Variants in APBA1 observed in about 807,000 individuals in gnomAD.
APBA1 encodes amyloid-beta A4 precursor protein-binding family A member 1.
Under a neutral mutation model 86.6 loss-of-function variants are expected in APBA1, and 55 were observed. The ratio of observed to expected loss-of-function variants is 0.64; its 90% CI spans 0.51 to 0.80. The LOEUF (loss-of-function observed/expected upper bound fraction) is 0.80, where lower values mean the gene tolerates loss of function less well. Ranked by LOEUF, APBA1 falls within the 30% of genes least tolerant of loss-of-function variation. APBA1 has a pLI of 0.00. For synonymous variants in APBA1, 511 were observed against 493.9 expected (o/e 1.03, Z -0.46); for missense variants, 1,090 against 1,183.0 (o/e 0.92, Z 1.15).
chr9:69,551,727 C>T (rs1836788473), intron 1 of APBA1, among the ~76,000 whole-genome samples: 1 of 152,124 alleles, frequency 6.6e-6, no homozygotes, highest in Non-Finnish European at 1.5e-5. Context: ...TACTCTGTAT[C>T]ATGGAGTTTG....
At chr9:69,647,734 A>G (rs911019887) in intron 1 of APBA1, among the ~76,000 whole-genome samples, 1 of 152,262 alleles carries the variant, frequency 6.6e-6, no homozygotes, top group Non-Finnish European at 1.5e-5. Context: ...AAATATAAAG[A>G]CATGAGCACA....
intron 1 of APBA1, among the ~76,000 whole-genome samples, chr9:69,620,655 C>T (rs760357040): frequency 1.2e-4 from 19 of 152,138 alleles, no homozygotes; most frequent in African/African-American, 4.1e-4. Context: ...CCAGCCTGGG[C>T]GACAGAGCGA....
intron 2 of APBA1, among the ~76,000 whole-genome samples, chr9:69,510,615 G>T (rs370052815): frequency 4.3e-5 from 6 of 140,000 alleles, no homozygotes; most frequent in Non-Finnish European, 6.0e-5. Context: ...CATCGCCAAG[G>T]CAATCCTAAG....
chr9:69,653,432 G>A (rs2134018000), intron 1 of APBA1, among the ~76,000 whole-genome samples: 1 of 152,264 alleles, frequency 6.6e-6, no homozygotes, highest in South Asian at 2.1e-4. Context: ...AGAAACATCA[G>A]AGTTAAGCTG....
At chr9:69,664,782 A>G (rs1395987476) in intron 1 of APBA1, among the ~76,000 whole-genome samples, 1 of 152,230 alleles carries the variant, frequency 6.6e-6, no homozygotes, top group African/African-American at 2.4e-5. Flanking sequence ...TATCTTACAC[A>G]TGAGCATATA....
intron 1 of APBA1, among the ~76,000 whole-genome samples, chr9:69,525,912 A>G (rs1350585490): frequency 6.6e-6 from 1 of 152,174 alleles, no homozygotes; most frequent in African/African-American, 2.4e-5. Flanking sequence ...AAAGAAAGCT[A>G]CACACCTACA....
chr9:69,636,585 C>T (rs967238694), intron 1 of APBA1, among the ~76,000 whole-genome samples: 2 of 151,710 alleles, frequency 1.3e-5, no homozygotes, highest in Non-Finnish European at 2.9e-5. Flanking sequence ...CACTGGAGCC[C>T]AGGAATTTGA....
intron 1 of APBA1, among the ~76,000 whole-genome samples, chr9:69,665,885 G>A (rs369461952): frequency 3.9e-5 from 6 of 152,078 alleles, no homozygotes; most frequent in Non-Finnish European, 5.9e-5. Context: ...ACAAGCATGC[G>A]CCACCATGCC....
At chr9:69,643,666 ATTCTCAG>A (rs1823335798) in intron 1 of APBA1, among the ~76,000 whole-genome samples, 1 of 152,298 alleles carries the variant, frequency 6.6e-6, no homozygotes, top group African/African-American at 2.4e-5. Flanking sequence ...TCACATTCAA[ATTCTCAG>A]GATAAAGAAT....
chr9:69,644,435 T>TC (rs1564101128), intron 1 of APBA1, among the ~76,000 whole-genome samples: 1 of 152,162 alleles, frequency 6.6e-6, no homozygotes. Flanking sequence ...ATTTTTCTCA[T>TC]CCCCCAAAAT....
intron 1 of APBA1, among the ~76,000 whole-genome samples, chr9:69,536,511 T>C (rs1037062650): frequency 1.3e-5 from 2 of 151,608 alleles, no homozygotes; most frequent in Non-Finnish European, 2.9e-5. Flanking sequence ...AGCGGTAAAA[T>C]ATATATAACA....
intron 1 of APBA1, among the ~76,000 whole-genome samples, chr9:69,526,932 A>T (rs890922629): frequency 6.6e-5 from 10 of 152,142 alleles, no homozygotes; most frequent in Non-Finnish European, 1.5e-4. Flanking sequence ...TTGTAGCAAC[A>T]TGCATGCAGC....
Position 69,517,220 on chromosome 9 carries a change from C to G in APBA1, c.-10G>C. On this transcript the variant is annotated 5_prime_UTR_variant, in exon 2 of 13. Coordinates refer to ENST00000265381, the MANE Select transcript of APBA1 (RefSeq NM_001163.4). Reference sequence around the variant, plus strand: ...CCTCCAAGTGGTTCATGGTGGGAGTCGGAACGGCTAGGAGAGAAGCTGGGC... The same window carrying G: ...CCTCCAAGTGGTTCATGGTGGGAGTGGGAACGGCTAGGAGAGAAGCTGGGC... 1 of 1,469,012 alleles carries G rather than the reference C, an allele frequency of 6.8e-7. No individual in the cohort carries two copies. Among genetic ancestry groups the G allele is most frequent in the Non-Finnish European group, 9.0e-7 (1 of 1,109,670 alleles). 91.0% of individuals were successfully genotyped at this position (1,469,012 alleles called of 1,614,324 possible). A position where few individuals can be genotyped will look rare whatever the true frequency, so the allele number is the denominator to read the frequency against.
At chr9:69,564,031 C>A (rs555469281) in intron 1 of APBA1, among the ~76,000 whole-genome samples, 1 of 152,250 alleles carries the variant, frequency 6.6e-6, no homozygotes, top group Admixed American at 6.5e-5. Flanking sequence ...TAATTACCTC[C>A]ATAAGGTGCA....
rs1836183447 is a variant in APBA1, at chr9:69,517,289, CAAG to C, written c.-69-13_-69-11del. On this transcript the variant is annotated splice_polypyrimidine_tract_variant and intron_variant, in intron 1 of 12. Coordinates refer to ENST00000265381, the MANE Select transcript of APBA1 (RefSeq NM_001163.4). Reference sequence around the variant, plus strand: ...ATTTTGCTCCACTGGGCTGGAAAAACAAGAAGGGGAGAGGCTGTCACGTGGTGC... The same window carrying C: ...ATTTTGCTCCACTGGGCTGGAAAAACAAGGGGAGAGGCTGTCACGTGGTGC... The C allele has an allele frequency of 7.9e-6, 11 of 1,399,902 alleles. No homozygotes were observed. In the East Asian group the frequency reaches 2.5e-4, roughly 32 times the overall value. 86.7% of individuals were successfully genotyped at this position (1,399,902 alleles called of 1,614,324 possible). A position where few individuals can be genotyped will look rare whatever the true frequency, so the allele number is the denominator to read the frequency against.
chr9:69,627,213 GT>G, intron 1 of APBA1, among the ~76,000 whole-genome samples: 1 of 152,182 alleles, frequency 6.6e-6, no homozygotes, highest in South Asian at 2.1e-4. Context: ...AAATTACACT[GT>G]TTTTTCAACT....
intron 2 of APBA1, among the ~76,000 whole-genome samples, chr9:69,511,457 A>G (rs1012754702): frequency 1.3e-5 from 2 of 152,112 alleles, no homozygotes; most frequent in African/African-American, 2.4e-5. Context: ...AAATAGGAAC[A>G]CTTTTACACT....
intron 6 of APBA1, 79 bp downstream of exon 6, chr9:69,458,077 G>C: frequency 7.1e-7 from 1 of 1,404,814 alleles, no homozygotes; most frequent in African/African-American, 1.5e-5. Context: ...ACAAAAACAC[G>C]AAAATATAAA....
chr9:69,442,538 CAG>C (rs954340412), intron 10 of APBA1, among the ~76,000 whole-genome samples: 5 of 152,136 alleles, frequency 3.3e-5, no homozygotes, highest in African/African-American at 1.2e-4. Flanking sequence ...AGGAGGGACT[CAG>C]GGAAAAGGCA....
Sources: allele counts gnomAD v4.1 joint callset (sites outside exome capture counted in the v4.1 genomes callset), GRCh38; gene constraint gnomAD v4.1.1; transcripts MANE v1.5; gene names NCBI Gene and HGNC (gene_info 2026-07-23, HGNC 2026-07-21).